IL1RAPL1: variants seen among roughly 807,000 people sequenced by gnomAD.
IL1RAPL1 encodes the protein interleukin 1 receptor accessory protein like 1.
In IL1RAPL1, 3 loss-of-function variants were observed where a neutral mutation model predicts 48.4. That is an observed-to-expected ratio of 0.06 (90% CI 0.03 to 0.16). The LOEUF (loss-of-function observed/expected upper bound fraction) is 0.16, where lower values mean the gene tolerates loss of function less well. IL1RAPL1 is among the 10% of genes least tolerant of loss of function. IL1RAPL1 has a pLI of 1.00. For missense variants in IL1RAPL1, 349 were observed against 530.6 expected, an observed-to-expected ratio of 0.66 and a Z score of 3.36; for synonymous variants, 185 against 187.7, an observed-to-expected ratio of 0.99 and a Z score of 0.12.
chrX:29,171,568 A>G (rs777872132), intron 2 of IL1RAPL1, among the ~76,000 whole-genome samples: 1 of 111,995 alleles, frequency 8.9e-6, no homozygotes, highest in South Asian at 3.7e-4. Context: ...AATGTAAAAA[A>G]GTAACACTTT....
chrX:28,884,880 C>G (rs984292070), intron 2 of IL1RAPL1, among the ~76,000 whole-genome samples: 5 of 111,441 alleles, frequency 4.5e-5, no homozygotes, highest in African/African-American at 1.6e-4. Context: ...TTGTGTCATG[C>G]TTGCCTAATG....
intron 1 of IL1RAPL1, among the ~76,000 whole-genome samples, chrX:28,737,667 A>G (rs6628381): frequency 0.064 from 7,140 of 112,375 alleles, 437 homozygotes; most frequent in East Asian, 0.33. Context: ...TTATATGCCA[A>G]TGTTTTAAAG....
chrX:28,786,920 T>G (rs4893588), intron 1 of IL1RAPL1, among the ~76,000 whole-genome samples: 52,744 of 110,788 alleles, frequency 0.48, 9,030 homozygotes, highest in Middle Eastern at 0.62. Context: ...AAAACTTGGA[T>G]GTCTATGGCT....
chrX:29,042,966 C>T (rs1926879285), intron 2 of IL1RAPL1, among the ~76,000 whole-genome samples: 1 of 111,755 alleles, frequency 8.9e-6, no homozygotes, highest in South Asian at 3.7e-4. Flanking sequence ...AAAGAAAAAA[C>T]TTCTTACAAA....
chrX:29,665,052 T>C (rs1199688047), intron 5 of IL1RAPL1, among the ~76,000 whole-genome samples: 1 of 112,713 alleles, frequency 8.9e-6, no homozygotes, highest in Non-Finnish European at 1.9e-5. Flanking sequence ...AATACTTTTG[T>C]TGGTGAATAC....
At chrX:29,643,259 G>T (rs1925222349) in intron 5 of IL1RAPL1, among the ~76,000 whole-genome samples, 1 of 111,525 alleles carries the variant, frequency 9.0e-6, no homozygotes, top group South Asian at 3.8e-4. Flanking sequence ...GTGAATTCTG[G>T]TGTCTGTGTT....
intron 5 of IL1RAPL1, among the ~76,000 whole-genome samples, chrX:29,605,897 ATACT>A (rs772517264): frequency 8.9e-6 from 1 of 112,231 alleles, no homozygotes; most frequent in East Asian, 2.8e-4. Context: ...GATGAAGGAC[ATACT>A]TAAAATTTGT....
At chrX:29,073,685 A>G (rs1252167734) in intron 2 of IL1RAPL1, among the ~76,000 whole-genome samples, 2 of 111,929 alleles carry the variant, frequency 1.8e-5, no homozygotes, top group African/African-American at 3.2e-5. Flanking sequence ...CTCCATAACT[A>G]GAGTATTTAG....
intron 1 of IL1RAPL1, among the ~76,000 whole-genome samples, chrX:28,617,066 A>G (rs1193451882): frequency 1.8e-5 from 2 of 112,641 alleles, no homozygotes; most frequent in Non-Finnish European, 3.7e-5. Flanking sequence ...AAAACTTTCA[A>G]TAATGTTTTA....
intron 2 of IL1RAPL1, among the ~76,000 whole-genome samples, chrX:29,224,889 C>T (rs765208988): frequency 8.9e-6 from 1 of 111,790 alleles, no homozygotes; most frequent in East Asian, 2.8e-4. Flanking sequence ...ATGAGAGACC[C>T]CTATGTGATT....
chrX:28,975,584 G>A (rs192814071), intron 2 of IL1RAPL1, among the ~76,000 whole-genome samples: 5 of 112,261 alleles, frequency 4.5e-5, no homozygotes, highest in Middle Eastern at 4.6e-3. Flanking sequence ...TCAACTCCAA[G>A]TGTTCATTCA....
chrX:28,886,770 T>C (rs753950104), intron 2 of IL1RAPL1, among the ~76,000 whole-genome samples: 1 of 110,875 alleles, frequency 9.0e-6, no homozygotes, highest in African/African-American at 3.3e-5. Flanking sequence ...ACAGAGAGTC[T>C]ATACCAAGCT....
chrX:29,183,253 C>T (rs1019730596), intron 2 of IL1RAPL1, among the ~76,000 whole-genome samples: 1 of 110,814 alleles, frequency 9.0e-6, no homozygotes, highest in Non-Finnish European at 1.9e-5. Flanking sequence ...TGATTTTTTC[C>T]CTCTTCTCCA....
At chrX:29,163,278 C>T (rs778982550) in intron 2 of IL1RAPL1, among the ~76,000 whole-genome samples, 1 of 110,993 alleles carries the variant, frequency 9.0e-6, no homozygotes, top group East Asian at 2.9e-4. Flanking sequence ...CAATGCTTCT[C>T]CCAGTGTAAT....
chrX:29,350,191 TTATA>T lies in IL1RAPL1; in HGVS notation c.363-46037_363-46034del, dbSNP rs397897010. Reference sequence around the variant, plus strand: ...CTCCCTTGGTCTACATACTGTTATTTTATATATATATATATATATATATATATAT... The same window carrying T: ...CTCCCTTGGTCTACATACTGTTATTTTATATATATATATATATATATATAT... On this transcript the variant is annotated intron_variant, in intron 3 of 10. Transcript: ENST00000378993. 5.9e-3 allele frequency among the ~76,000 whole-genome samples: 232 copies of T among 39,399 alleles called. 5 individuals are homozygous for T. Among genetic ancestry groups the T allele is most frequent in the African/African-American group, 0.019 (112 of 5,747 alleles). 34.2% of individuals were successfully genotyped at this position (39,399 alleles called of 115,157 possible). A position where few individuals can be genotyped will look rare whatever the true frequency, so the allele number is the denominator to read the frequency against.
chrX:28,940,703 G>T (rs1364573735), intron 2 of IL1RAPL1, among the ~76,000 whole-genome samples: 1 of 110,833 alleles, frequency 9.0e-6, no homozygotes, highest in Non-Finnish European at 1.9e-5. Context: ...CCAAGATAAT[G>T]CTAAGTCTCC....
chrX:29,008,455 C>T (rs1176397042), intron 2 of IL1RAPL1, among the ~76,000 whole-genome samples: 1 of 111,946 alleles, frequency 8.9e-6, no homozygotes, highest in Non-Finnish European at 1.9e-5. Context: ...GGATTACAGG[C>T]GTGAGCCACC....
At chrX:28,591,283 A>C (rs1305098219) in intron 1 of IL1RAPL1, among the ~76,000 whole-genome samples, 2 of 112,308 alleles carry the variant, frequency 1.8e-5, no homozygotes, top group Non-Finnish European at 3.8e-5. Context: ...ACTAGAGAAA[A>C]TTTTAAATTG....
intron 6 of IL1RAPL1, among the ~76,000 whole-genome samples, chrX:29,814,545 G>A (rs977873344): frequency 1.8e-5 from 2 of 111,548 alleles, no homozygotes; most frequent in East Asian, 5.6e-4. Flanking sequence ...TGAGTACTCT[G>A]TTGATAGTTT....
Sources: gnomAD v4.1 joint callset for allele counts (sites outside exome capture counted in the v4.1 genomes callset) on GRCh38, gnomAD v4.1.1 for gene constraint, MANE v1.5 for transcripts, NCBI Gene and HGNC (gene_info 2026-07-23, HGNC 2026-07-21) for gene names.